RAB27A: variants seen among roughly 807,000 people sequenced by gnomAD.
The protein encoded by RAB27A is ras-related protein Rab-27A.
A neutral mutation model predicts 20.8 loss-of-function variants in RAB27A; 17 were observed. The observed-to-expected ratio is 0.82, with a 90% confidence interval of 0.56 to 1.23. RAB27A has a LOEUF of 1.23. RAB27A is among the 50% of genes most tolerant of loss of function. The pLI, the probability that RAB27A is intolerant of heterozygous loss-of-function variation, is 0.00. For synonymous variants in RAB27A, 85 were observed against 92.8 expected (o/e 0.92, Z 0.48); for missense variants, 277 against 266.7 (o/e 1.04, Z -0.27).
rs780651575 is a variant in RAB27A, at chr15:55,209,890, A to G, written c.468-4185T>C. Among the ~76,000 whole-genome samples, 49 of 81,910 alleles carry G rather than the reference A, an allele frequency of 6.0e-4. 5 individuals are homozygous for G. Among genetic ancestry groups the G allele is most frequent in the African/African-American group, 3.0e-3 (31 of 10,186 alleles). 53.7% of individuals were successfully genotyped at this position (81,910 alleles called of 152,430 possible). On this transcript the variant is annotated intron_variant, in intron 6 of 6. Coordinates refer to ENST00000336787, the MANE Select transcript of RAB27A (RefSeq NM_183235.3). ...TATATACATATATGTGTGTGTATAC[A>G]TATATACACATATGTGTGTGTATGT...
chr15:55,240,910 C>G (rs1896452987), intron 2 of RAB27A, among the ~76,000 whole-genome samples: 1 of 152,056 alleles, frequency 6.6e-6, no homozygotes, highest in South Asian at 2.1e-4. Flanking sequence ...CTAGCAAGGT[C>G]AAGAATGCAT....
At chr15:55,295,138 G>A (rs1422446237) in intron 2 of RAB27A, among the ~76,000 whole-genome samples, 1 of 152,008 alleles carries the variant, frequency 6.6e-6, no homozygotes, top group Admixed American at 6.6e-5. Context: ...AAATCACAAT[G>A]AGCTGCCACT....
chr15:55,215,985 G>C (rs984760037), intron 6 of RAB27A, among the ~76,000 whole-genome samples: 5 of 149,072 alleles, frequency 3.4e-5, no homozygotes, highest in African/African-American at 1.2e-4. Context: ...ATAACCTCTG[G>C]AGTCATGCTG....
In RAB27A at chr15:55,205,598, G is replaced by A; in HGVS notation, c.575C>T (p.Ser192Phe). ...TCGCACCACTCCTTCAGGAATCCAGGACTTGTCCACACACCGTTCCATTCG... is the reference window on the plus strand; with the variant it reads ...TCGCACCACTCCTTCAGGAATCCAGAACTTGTCCACACACCGTTCCATTCG... ...MKRMERCVDK[S>F]WIPEGVVRSN... is the part of the protein sequence containing the mutation. Residue 192 changes from serine to phenylalanine, a missense_variant, in exon 7 of 7, where the codon TCC (serine) becomes TTC (phenylalanine). By Grantham distance (155) the Ser-to-Phe change is radical. Transcript: ENST00000336787. 1 of 1,614,072 alleles carries A rather than the reference G, an allele frequency of 6.2e-7. No homozygotes were observed. The highest frequency in any genetic ancestry group is 8.5e-7 in the Non-Finnish European group (1 of 1,180,014).
intron 6 of RAB27A, among the ~76,000 whole-genome samples, chr15:55,223,055 G>C (rs1895648727): frequency 6.6e-6 from 1 of 152,062 alleles, no homozygotes; most frequent in African/African-American, 2.4e-5. Context: ...ACAGTATTTT[G>C]CTGACCCTCC....
chr15:55,274,815 T>TATATATATATATATATATATAC (rs1188210380), intron 1 of RAB27A, among the ~76,000 whole-genome samples: 21 of 135,084 alleles, frequency 1.6e-4, no homozygotes, highest in African/African-American at 5.4e-4. Context: ...TATATATATA[T>TATATATATATATATATATATAC]ATATATATAT....
chr15:55,311,692 G>A (rs1181353011), intron 2 of RAB27A, among the ~76,000 whole-genome samples: 4 of 152,186 alleles, frequency 2.6e-5, no homozygotes, highest in African/African-American at 9.7e-5. Context: ...TCCCTCAGGA[G>A]GCCAGGTTTC....
intron 6 of RAB27A, among the ~76,000 whole-genome samples, chr15:55,218,339 G>A (rs961482452): frequency 2.0e-5 from 3 of 152,222 alleles, no homozygotes; most frequent in African/African-American, 4.8e-5. Context: ...GGAGCTCTGT[G>A]AATCAGTCTT....
chr15:55,315,368 A>C (rs2055038427), intron 1 of RAB27A, among the ~76,000 whole-genome samples: 1 of 152,226 alleles, frequency 6.6e-6, no homozygotes, highest in East Asian at 1.9e-4. Context: ...CTTCATGACA[A>C]GGCCACCAAA....
intron 2 of RAB27A, among the ~76,000 whole-genome samples, chr15:55,266,467 G>C (rs1463400192): frequency 6.6e-6 from 1 of 152,166 alleles, no homozygotes; most frequent in Non-Finnish European, 1.5e-5. Flanking sequence ...TGATTAATTT[G>C]AGATATATTT....
intron 6 of RAB27A, among the ~76,000 whole-genome samples, chr15:55,210,202 T>C (rs1362079027): frequency 7.5e-6 from 1 of 133,130 alleles, no homozygotes; most frequent in Non-Finnish European, 1.6e-5. Flanking sequence ...TGTGTATACA[T>C]ACACACATGT....
In RAB27A at chr15:55,283,203, A is replaced by G. The variant is rs549015888; in HGVS notation, c.-143+6513T>C. Among the ~76,000 whole-genome samples the G allele has an allele frequency of 4.6e-5, 7 of 152,282 alleles. No homozygotes were observed. The East Asian group carries it at 9.7e-4, about 21-fold the overall frequency. ...TTTGCAGCATCCCTGGCCCCCACCC[A>G]CTAAATGCCAGGAGTAACTCCCCAG... On this transcript the variant is annotated intron_variant, in intron 1 of 6. Coordinates refer to ENST00000336787, the MANE Select transcript of RAB27A (RefSeq NM_183235.3).
intron 2 of RAB27A, among the ~76,000 whole-genome samples, chr15:55,251,325 A>G (rs576357573): frequency 1.3e-3 from 204 of 152,268 alleles, no homozygotes; most frequent in African/African-American, 4.8e-3. Context: ...GAGAACAACC[A>G]TCATTGCGTC....
chr15:55,318,620 G>A (rs1248004583), intron 1 of RAB27A, among the ~76,000 whole-genome samples: 2 of 150,056 alleles, frequency 1.3e-5, no homozygotes, highest in African/African-American at 4.9e-5. Context: ...AAAATCACTG[G>A]AACCCGGGAG....
At chr15:55,296,232 C>T (rs1005094859) in intron 2 of RAB27A, among the ~76,000 whole-genome samples, 7 of 149,178 alleles carry the variant, frequency 4.7e-5, no homozygotes, top group Non-Finnish European at 8.9e-5. Context: ...TGGGGCCTGA[C>T]GCGGTGGCTC....
upstream of RAB27A, among the ~76,000 whole-genome samples, chr15:55,294,449 G>A (rs564645742): frequency 1.3e-4 from 20 of 151,996 alleles, no homozygotes; most frequent in South Asian, 4.2e-4. Context: ...TTAGCCAGAC[G>A]TGGTGGCTTG....
At chr15:55,225,973 C>A (rs1194471587) in intron 5 of RAB27A, among the ~76,000 whole-genome samples, 1 of 151,996 alleles carries the variant, frequency 6.6e-6, no homozygotes. Context: ...AAGCAGAACT[C>A]CAGTTGGTTA....
chr15:55,209,938 A>G lies in RAB27A; in HGVS notation c.468-4233T>C, dbSNP rs536561067. ...TGTATATACACACATATATGTATGT[A>G]CATGTACACACATACGCATATATGT... On this transcript the variant is annotated intron_variant, in intron 6 of 6. Transcript: ENST00000336787. Among the ~76,000 whole-genome samples, 15 of 121,788 alleles carry G rather than the reference A, an allele frequency of 1.2e-4. 1 individual carries two copies. The South Asian group carries it at 1.3e-3, about 10-fold the overall frequency. The allele number at this position is 121,788 out of a possible 152,430, so 79.9% of individuals were successfully genotyped here. A position where few individuals can be genotyped will look rare whatever the true frequency, so the allele number is the denominator to read the frequency against.
At chr15:55,254,833 A>G (rs1040770407) in intron 2 of RAB27A, among the ~76,000 whole-genome samples, 1 of 152,244 alleles carries the variant, frequency 6.6e-6, no homozygotes, top group Non-Finnish European at 1.5e-5. Context: ...ATGCAGCATG[A>G]CTTTCCAAAC....
Sources: allele counts gnomAD v4.1 joint callset (sites outside exome capture counted in the v4.1 genomes callset), GRCh38; gene constraint gnomAD v4.1.1; transcripts MANE v1.5; gene names NCBI Gene and HGNC (gene_info 2026-07-23, HGNC 2026-07-21).